ZNF43: variants seen among roughly 807,000 people sequenced by gnomAD.
The protein encoded by ZNF43 is zinc finger protein 43.
Under a neutral mutation model 68.4 loss-of-function variants are expected in ZNF43, and 44 were observed. The observed-to-expected ratio is 0.64, with a 90% CI of 0.51 to 0.83. The LOEUF (loss-of-function observed/expected upper bound fraction) is 0.83, where lower values mean the gene tolerates loss of function less well. ZNF43 is among the 40% of genes least tolerant of loss of function. The pLI is 0.00. For synonymous variants in ZNF43, 308 were observed against 307.8 expected (o/e 1.00, Z -0.01); for missense variants, 896 against 933.2 (o/e 0.96, Z 0.52).
At chr19:21,823,305 T>A (rs2037944003) in intron 1 of ZNF43, among the ~76,000 whole-genome samples, 1 of 152,144 alleles carries the variant, frequency 6.6e-6, no homozygotes, top group South Asian at 2.1e-4. Context: ...TCTGTTTGAG[T>A]CTCCAGATCT....
chr19:21,822,533 C>T (rs1393193901), intron 1 of ZNF43, among the ~76,000 whole-genome samples: 1 of 152,058 alleles, frequency 6.6e-6, no homozygotes, highest in Non-Finnish European at 1.5e-5. Context: ...TGGCCGGGCG[C>T]GGTGGCTCAC....
At chr19:21,833,467 ACCATGTTGG>A (rs766373691) in intron 1 of ZNF43, among the ~76,000 whole-genome samples, 44 of 151,226 alleles carry the variant, frequency 2.9e-4, no homozygotes, top group Non-Finnish European at 1.5e-4. Flanking sequence ...ACGGGATTTC[ACCATGTTGG>A]CCAGGCTGGT....
At position 21,836,042 on chromosome 19, in the gene ZNF43, T is replaced by C; in HGVS notation, c.-4A>G. ...GTCGGACCGGCACTCTCACCATTTC[T>C]AGGCTTCCGGGGGGTCCTGGCGTCT... On this transcript the variant is annotated 5_prime_UTR_variant, in exon 1 of 4. Coordinates refer to ENST00000354959, the MANE Select transcript of ZNF43 (RefSeq NM_003423.4). The C allele has an allele frequency of 6.2e-7, 1 of 1,613,984 alleles. No homozygotes were observed. Among genetic ancestry groups the C allele is most frequent in the Non-Finnish European group, 8.5e-7 (1 of 1,179,856 alleles).
chr19:21,834,928 C>A (rs2038624447), intron 1 of ZNF43, among the ~76,000 whole-genome samples: 1 of 141,660 alleles, frequency 7.1e-6, no homozygotes, highest in Admixed American at 7.1e-5. Context: ...ATCTCTGTAT[C>A]TAAAATGTAC....
intron 3 of ZNF43, chr19:21,812,203 T>C (rs530916942): frequency 1.9e-5 from 7 of 360,616 alleles, no homozygotes; most frequent in Middle Eastern, 7.2e-4. Flanking sequence ...CTCAGCTCAC[T>C]GCACACTCCA....
At chr19:21,838,572 G>A (rs1030407853), upstream of ZNF43, among the ~76,000 whole-genome samples, 10 of 151,976 alleles carry the variant, frequency 6.6e-5, no homozygotes, top group Non-Finnish European at 1.3e-4. Context: ...GCTAATTTTT[G>A]TATTTTTAGT....
rs923092985 is a variant in ZNF43 at position 21,809,053 on chromosome 19, A to C, written c.984T>G (p.Thr328=). 1.5e-5 allele frequency: 23 copies of C among 1,562,338 alleles called. No individual in the cohort carries two copies. The Middle Eastern group carries it at 5.2e-4, about 35-fold the overall frequency. Residue 328 remains threonine (T), a synonymous_variant, in exon 4 of 4, where the codon ACT becomes ACG. Transcript: ENST00000354959. Reference sequence around the variant, plus strand: ...TATGAATTCTCTTATGTTTAGTAAGAGTTGAGGGCCAGTTAAAGGCTTTGC... The same window carrying C: ...TATGAATTCTCTTATGTTTAGTAAGCGTTGAGGGCCAGTTAAAGGCTTTGC... ...ECGKAFNWPS[T]LTKHKRIHTG...
At position 21,812,357 on chromosome 19, in the gene ZNF43, G is replaced by A. The variant is rs995156935; in HGVS notation, c.230-2550C>T. Among the ~76,000 whole-genome samples, 13 of 151,960 alleles carry A rather than the reference G, an allele frequency of 8.6e-5. No individual in the cohort carries two copies. The East Asian group carries it at 1.4e-3, about 16-fold the overall frequency. ...TCTCGATCTCCTGACCTCGTGATCC[G>A]CCCGCCTCAGCCTCCCAAAGTGCTG... On this transcript the variant is annotated intron_variant, in intron 3 of 3. Transcript: ENST00000354959.
rs1342451785 is a variant in ZNF43, at chr19:21,806,829, T to C, written c.*778A>G. 1 of 152,238 alleles carries C rather than the reference T, an allele frequency of 6.6e-6. No homozygotes were observed. Among genetic ancestry groups the C allele is most frequent in the African/African-American group, 2.4e-5 (1 of 41,466 alleles). 9.4% of individuals were successfully genotyped at this position (152,238 alleles called of 1,614,324 possible). A position where few individuals can be genotyped will look rare whatever the true frequency, so the allele number is the denominator to read the frequency against. Reference sequence around the variant, plus strand: ...GTCTGAAGTGTCCGCGCCTTAGATATTTCTACTGTGAATTCTCAGATATTT... The same window carrying C: ...GTCTGAAGTGTCCGCGCCTTAGATACTTCTACTGTGAATTCTCAGATATTT... On this transcript the variant is annotated 3_prime_UTR_variant, in exon 4 of 4. Transcript: ENST00000354959.
chr19:21,810,179 T>C (rs1459288513), intron 3 of ZNF43, among the ~76,000 whole-genome samples: 1 of 152,140 alleles, frequency 6.6e-6, no homozygotes, highest in Non-Finnish European at 1.5e-5. Context: ...GGATAATTTA[T>C]AAAGAAAAAA....
Position 21,805,646 on chromosome 19 carries a change from T to G in ZNF43, c.*1961A>C, listed in dbSNP as rs368677727. 10 of 150,534 alleles carry G rather than the reference T, an allele frequency of 6.6e-5. 1 individual carries two copies. In the East Asian group the frequency reaches 1.8e-3, roughly 26 times the overall value. 9.3% of individuals were successfully genotyped at this position (150,534 alleles called of 1,614,324 possible). A position where few individuals can be genotyped will look rare whatever the true frequency, so the allele number is the denominator to read the frequency against. On this transcript the variant is annotated 3_prime_UTR_variant, in exon 4 of 4. Coordinates refer to ENST00000354959, the MANE Select transcript of ZNF43 (RefSeq NM_003423.4). ...AAAAAAACCAAACAAACAAAAAAAATTATGAATAGCACAAAGAATAAAATA... is the reference window on the plus strand; with the variant it reads ...AAAAAAACCAAACAAACAAAAAAAAGTATGAATAGCACAAAGAATAAAATA...
At chr19:21,812,602 G>C (rs1471171903) in intron 3 of ZNF43, among the ~76,000 whole-genome samples, 1 of 149,252 alleles carries the variant, frequency 6.7e-6, no homozygotes, top group Non-Finnish European at 1.5e-5. Context: ...CACCCATTTA[G>C]AATGGCTACT....
chr19:21,814,599 C>T (rs971134126), intron 3 of ZNF43, among the ~76,000 whole-genome samples: 1 of 151,726 alleles, frequency 6.6e-6, no homozygotes, highest in African/African-American at 2.4e-5. Flanking sequence ...TTAGTAGAGA[C>T]GGGGTTTCAC....
At chr19:21,832,950 C>T (rs1269822508) in intron 1 of ZNF43, among the ~76,000 whole-genome samples, 3 of 152,082 alleles carry the variant, frequency 2.0e-5, no homozygotes, top group Admixed American at 1.3e-4. Context: ...TAAAATTTAG[C>T]ATTAAACTCA....
intron 1 of ZNF43, among the ~76,000 whole-genome samples, chr19:21,829,418 A>C (rs776636109): frequency 6.6e-6 from 1 of 152,186 alleles, no homozygotes; most frequent in Admixed American, 6.6e-5. Flanking sequence ...CTGTATTTCT[A>C]AATTTAATTC....
At chr19:21,844,921 A>AAAATATATAT (rs1310761266) in intron 1 of ZNF43, among the ~76,000 whole-genome samples, 10 of 26,048 alleles carry the variant, frequency 3.8e-4, no homozygotes, top group African/African-American at 1.7e-3. Flanking sequence ...AAAAAAAAAA[A>AAAATATATAT]ATATATATAT....
rs1423784570 is a variant in ZNF43 at position 21,807,294 on chromosome 19, C to CTTTT, written c.*309_*312dup. The CTTTT allele has an allele frequency of 2.1e-5, 4 of 194,442 alleles. No homozygotes were observed. The highest frequency in any genetic ancestry group is 9.3e-5 in the African/African-American group (4 of 42,952). 12.0% of individuals were successfully genotyped at this position (194,442 alleles called of 1,614,324 possible). On this transcript the variant is annotated 3_prime_UTR_variant, in exon 4 of 4. Coordinates refer to ENST00000354959, the MANE Select transcript of ZNF43 (RefSeq NM_003423.4). ...TGAATTATCTTCTTCACTTTAAAGG[C>CTTTT]TTTTATTTTCTGAAAGATCTTTTGA... is the stretch of plus-strand genomic sequence containing the variant.
At position 21,807,589 on chromosome 19, in the gene ZNF43, A is replaced by G. The variant is rs1027783382; in HGVS notation, c.*18T>C. 1 of 1,514,096 alleles carries G rather than the reference A, an allele frequency of 6.6e-7. No individual in the cohort carries two copies. The highest frequency in any genetic ancestry group is 8.8e-7 in the Non-Finnish European group (1 of 1,133,642). The allele number at this position is 1,514,096 out of a possible 1,614,324, so 93.8% of individuals were successfully genotyped here. On this transcript the variant is annotated 3_prime_UTR_variant, in exon 4 of 4. Coordinates refer to ENST00000354959, the MANE Select transcript of ZNF43 (RefSeq NM_003423.4). ...TTATCACATTCTTTACATTTCTAGA[A>G]TTTCTCACCAGTATAATTTATTTTA...
At chr19:21,828,689 C>A (rs970082811) in intron 1 of ZNF43, among the ~76,000 whole-genome samples, 1 of 150,912 alleles carries the variant, frequency 6.6e-6, no homozygotes, top group African/African-American at 2.4e-5. Flanking sequence ...TGTACTCCAG[C>A]CTGGGCAACA....
Sources: gnomAD v4.1 joint callset for allele counts (sites outside exome capture counted in the v4.1 genomes callset) on GRCh38, gnomAD v4.1.1 for gene constraint, MANE v1.5 for transcripts, NCBI Gene and HGNC (gene_info 2026-07-23, HGNC 2026-07-21) for gene names.